The following KAT2B variants were observed in gnomAD, a reference collection of about 807,000 sequenced individuals.
KAT2B encodes lysine acetyltransferase 2B, also known as histone acetyltransferase KAT2B.
KAT2B carries 36 observed loss-of-function variants against 105.9 expected under a neutral mutation model. The observed-to-expected ratio is 0.34, with a 90% CI of 0.26 to 0.45. KAT2B has a LOEUF of 0.45. KAT2B is among the 20% of genes least tolerant of loss of function. The pLI is 1.00. For missense variants in KAT2B, 820 were observed against 1,021.6 expected (o/e 0.80, Z 2.69); for synonymous variants, 397 against 377.9 (o/e 1.05, Z -0.59).
In KAT2B at chr3:20,149,495, C is replaced by CAA. The variant is rs56091316; in HGVS notation, c.2305+1032_2305+1033dup. Among the ~76,000 whole-genome samples, 175 of 42,270 alleles carry CAA rather than the reference C, an allele frequency of 4.1e-3. 8 individuals carry two copies. Among genetic ancestry groups the CAA allele is most frequent in the East Asian group, 0.018 (9 of 514 alleles). The allele number at this position is 42,270 out of a possible 152,430, so 27.7% of individuals were successfully genotyped here. On this transcript the variant is annotated intron_variant, in intron 17 of 17. Coordinates refer to ENST00000263754, the MANE Select transcript of KAT2B (RefSeq NM_003884.5). The stretch of plus-strand genomic sequence containing the variant: ...TGGGCACTGGAGGGAGACCGTATCT[C>CAA]AAAAAAAAAAAAAAAAAAAAAAAAA...
rs150218994 is a variant in KAT2B, at chr3:20,103,004, C to T, written c.851+1536C>T. Among the ~76,000 whole-genome samples, 271 of 152,318 alleles carry T rather than the reference C, an allele frequency of 1.8e-3. 3 individuals are homozygous for T. Among genetic ancestry groups the T allele is most frequent in the African/African-American group, 6.3e-3 (263 of 41,570 alleles). The stretch of plus-strand genomic sequence containing the variant: ...CATGTGTAACACACCCTTTTCCTCT[C>T]TTTCTCTTCACTTTTGCAAATATAT... On this transcript the variant is annotated intron_variant, in intron 5 of 17. Transcript: ENST00000263754.
intron 1 of KAT2B, among the ~76,000 whole-genome samples, chr3:20,049,095 C>T (rs561556729): frequency 4.0e-5 from 6 of 151,868 alleles, no homozygotes; most frequent in Middle Eastern, 3.4e-3. Flanking sequence ...TTCTTGACCT[C>T]GTGATCCGCC....
chr3:20,112,836 T>G (rs1043436888), intron 6 of KAT2B, among the ~76,000 whole-genome samples: 2 of 152,192 alleles, frequency 1.3e-5, no homozygotes, highest in African/African-American at 4.8e-5. Context: ...ATTATGGAAT[T>G]TTTGTCTCAG....
chr3:20,089,569 T>G (rs1698679073), intron 2 of KAT2B, among the ~76,000 whole-genome samples: 1 of 151,856 alleles, frequency 6.6e-6, no homozygotes, highest in African/African-American at 2.4e-5. Flanking sequence ...CCCGGCTAAT[T>G]TTTTTTATCT....
At chr3:20,046,598 A>C (rs1266608596) in intron 1 of KAT2B, among the ~76,000 whole-genome samples, 1 of 152,196 alleles carries the variant, frequency 6.6e-6, no homozygotes, top group Admixed American at 6.5e-5. Context: ...ATCTAGAAGT[A>C]GCACTGGTTG....
At chr3:20,096,845 G>A (rs1023260708) in intron 3 of KAT2B, among the ~76,000 whole-genome samples, 2 of 151,870 alleles carry the variant, frequency 1.3e-5, no homozygotes, top group Admixed American at 1.3e-4. Context: ...GTACTAATGG[G>A]TTTTTTTGGG....
In KAT2B at chr3:20,099,164, T is replaced by C. The variant is rs560230304; in HGVS notation, c.577-698T>C. 9.8e-5 allele frequency among the ~76,000 whole-genome samples: 15 copies of C among 152,332 alleles called. No homozygotes were observed. The South Asian group carries it at 1.4e-3, about 15-fold the overall frequency. On this transcript the variant is annotated intron_variant, in intron 3 of 17. Transcript: ENST00000263754. ...CTGTTTGCTCTTTGAGAGCTTTAAA[T>C]TCCAGTGGCAGGAATTAAGAGCAGT...
At position 20,086,824 on chromosome 3, in the gene KAT2B, C is replaced by T. The variant is rs1295028792; in HGVS notation, c.431-8439C>T. On this transcript the variant is annotated intron_variant, in intron 2 of 17. Coordinates refer to ENST00000263754, the MANE Select transcript of KAT2B (RefSeq NM_003884.5). ...TTTTTTTTTTTGAGATGGAGTCTCG[C>T]AGGCTGGAGTGCAGTGGTGCAATCT... Among the ~76,000 whole-genome samples the T allele has an allele frequency of 6.1e-5, 3 of 49,350 alleles. No homozygotes were observed. The East Asian group carries it at 3.9e-3, about 64-fold the overall frequency. 32.4% of individuals were successfully genotyped at this position (49,350 alleles called of 152,430 possible).
chr3:20,142,569 A>G, intron 13 of KAT2B, among the ~76,000 whole-genome samples: 1 of 120,652 alleles, frequency 8.3e-6, no homozygotes, highest in African/African-American at 2.6e-5. Context: ...TGTCATTAGT[A>G]GAGAGAGAGA....
At chr3:20,137,896 C>G (rs1699630264) in intron 12 of KAT2B, among the ~76,000 whole-genome samples, 1 of 152,174 alleles carries the variant, frequency 6.6e-6, no homozygotes, top group Non-Finnish European at 1.5e-5. Context: ...AATCCTAGTA[C>G]TTTGGGAGGC....
intron 1 of KAT2B, among the ~76,000 whole-genome samples, chr3:20,046,718 C>A (rs980838717): frequency 6.6e-6 from 1 of 152,160 alleles, no homozygotes; most frequent in Non-Finnish European, 1.5e-5. Context: ...AGTTGGAGAG[C>A]GCCCCCAACA....
intron 2 of KAT2B, among the ~76,000 whole-genome samples, chr3:20,083,632 C>T (rs1698560178): frequency 6.6e-6 from 1 of 152,162 alleles, no homozygotes; most frequent in Non-Finnish European, 1.5e-5. Flanking sequence ...TTTAGGAAGA[C>T]TACCCTGGCA....
intron 5 of KAT2B, among the ~76,000 whole-genome samples, chr3:20,102,640 C>G (rs1031489129): frequency 6.6e-6 from 1 of 152,108 alleles, no homozygotes; most frequent in African/African-American, 2.4e-5. Flanking sequence ...TTATTACTTG[C>G]AGAATAACAG....
chr3:20,109,288 A>G (rs1575139080), intron 5 of KAT2B, among the ~76,000 whole-genome samples: 2 of 109,498 alleles, frequency 1.8e-5, no homozygotes, highest in South Asian at 2.4e-4. Context: ...AGCCCCAGAT[A>G]GATAGATAGA....
chr3:20,054,887 G>A (rs751858765), intron 1 of KAT2B, among the ~76,000 whole-genome samples: 2 of 152,224 alleles, frequency 1.3e-5, no homozygotes, highest in Non-Finnish European at 2.9e-5. Context: ...CCGGTTAGGG[G>A]CCTGTGGCCA....
Position 20,099,940 on chromosome 3 carries a change from C to G in KAT2B, c.655C>G (p.Pro219Ala), listed in dbSNP as rs943708277. 6 of 1,594,694 alleles carry G rather than the reference C, an allele frequency of 3.8e-6. No individual in the cohort carries two copies. Among genetic ancestry groups the G allele is most frequent in the Non-Finnish European group, 5.2e-6 (6 of 1,162,920 alleles). The change falls in exon 4 of 18, where the codon CCT becomes GCT. Residue 219 changes from proline to alanine, a missense_variant. Physicochemically the swap from Pro to Ala is conservative, Grantham distance 27. Coordinates refer to ENST00000263754, the MANE Select transcript of KAT2B (RefSeq NM_003884.5). ...GGAAAAGAAACCCCCATTTGAAAAA[C>G]CTAGCATTGAACAGGTAAAAAGATT... The part of the protein sequence containing the change: ...SLEKKPPFEK[P>A]SIEQGVNNFV...
intron 3 of KAT2B, among the ~76,000 whole-genome samples, chr3:20,096,492 G>T (rs143896251): frequency 9.7e-4 from 148 of 152,254 alleles, no homozygotes; most frequent in African/African-American, 3.3e-3. Flanking sequence ...GCTACTGAGG[G>T]CATTGTAGAT....
intron 13 of KAT2B, among the ~76,000 whole-genome samples, chr3:20,145,608 A>C (rs1189863545): frequency 7.4e-6 from 1 of 135,102 alleles, no homozygotes; most frequent in Non-Finnish European, 1.5e-5. Flanking sequence ...CTGTCTTGGA[A>C]GTAGTTACCT....
chr3:20,041,517 T>A (rs1209156943), intron 1 of KAT2B, among the ~76,000 whole-genome samples: 1 of 152,212 alleles, frequency 6.6e-6, no homozygotes, highest in East Asian at 1.9e-4. Flanking sequence ...CACCCATTTC[T>A]TGCTACCCAC....
Sources: gnomAD v4.1 joint callset for allele counts (sites outside exome capture counted in the v4.1 genomes callset) on GRCh38, gnomAD v4.1.1 for gene constraint, MANE v1.5 for transcripts, NCBI Gene and HGNC (gene_info 2026-07-23, HGNC 2026-07-21) for gene names.